The following DCHS2 variants were observed in gnomAD, a reference collection of about 807,000 sequenced individuals.
DCHS2 encodes dachsous cadherin-related 2.
In DCHS2, 142 loss-of-function variants were observed where a neutral mutation model predicts 182.4. The observed-to-expected ratio is 0.78, with a 90% confidence interval of 0.68 to 0.89. The LOEUF (loss-of-function observed/expected upper bound fraction) is 0.89, where lower values mean the gene tolerates loss of function less well. DCHS2 is among the 40% of genes least tolerant of loss of function. The pLI, the probability that DCHS2 is intolerant of heterozygous loss-of-function variation, is 0.00. For missense variants in DCHS2, 4,319 were observed against 4,198.6 expected (o/e 1.03, Z -0.79); for synonymous variants, 1,740 against 1,663.3 (o/e 1.05, Z -1.12).
At chr4:154,423,373 G>C (rs1207000753) in intron 1 of DCHS2, among the ~76,000 whole-genome samples, 5 of 152,136 alleles carry the variant, frequency 3.3e-5, no homozygotes, top group Non-Finnish European at 7.3e-5. Context: ...TTTGTAGTAC[G>C]TGTCAGCACT....
intron 1 of DCHS2, among the ~76,000 whole-genome samples, chr4:154,468,083 G>C (rs1735309852): frequency 6.6e-6 from 1 of 152,098 alleles, no homozygotes; most frequent in Non-Finnish European, 1.5e-5. Flanking sequence ...GGTGTCCACA[G>C]TTTTCTCTGA....
At chr4:154,391,623 C>T (rs566612008) in intron 1 of DCHS2, among the ~76,000 whole-genome samples, 1 of 152,272 alleles carries the variant, frequency 6.6e-6, no homozygotes, top group Non-Finnish European at 1.5e-5. Flanking sequence ...CCAACCTCAT[C>T]TGACATCTCA....
chr4:154,240,019 C>A (rs1242011206), intron 18 of DCHS2, among the ~76,000 whole-genome samples: 1 of 152,120 alleles, frequency 6.6e-6, no homozygotes, highest in African/African-American at 2.4e-5. Flanking sequence ...CTTGCATTTG[C>A]TACATTCAAA....
At chr4:154,448,226 G>T (rs1049911390) in intron 1 of DCHS2, among the ~76,000 whole-genome samples, 1 of 152,056 alleles carries the variant, frequency 6.6e-6, no homozygotes, top group Non-Finnish European at 1.5e-5. Context: ...ACATGTGGGC[G>T]CTCCTCTCTC....
At chr4:154,373,973 A>G (rs1195744420) in intron 2 of DCHS2, 2 of 1,488,120 alleles carry the variant, frequency 1.3e-6, no homozygotes, top group African/African-American at 2.9e-5. Flanking sequence ...CAATGAATTG[A>G]TCCTTTTTGG....
intron 12 of DCHS2, among the ~76,000 whole-genome samples, chr4:154,300,813 A>G (rs1735169826): frequency 6.6e-6 from 1 of 152,198 alleles, no homozygotes; most frequent in Non-Finnish European, 1.5e-5. Context: ...CAGGAAGTGA[A>G]CACATTGCAA....
chr4:154,311,649 A>T (rs1355230774), intron 10 of DCHS2, among the ~76,000 whole-genome samples: 1 of 152,178 alleles, frequency 6.6e-6, no homozygotes, highest in East Asian at 1.9e-4. Context: ...TAATAAATAA[A>T]TTCTAAACAG....
intron 1 of DCHS2, among the ~76,000 whole-genome samples, chr4:154,387,955 C>T (rs1189739385): frequency 6.6e-6 from 1 of 152,000 alleles, no homozygotes; most frequent in Non-Finnish European, 1.5e-5. Context: ...CTTTTGCCTT[C>T]CAAATTGGCA....
In DCHS2 at chr4:154,259,651, A is replaced by G; in HGVS notation, c.6683T>C (p.Val2228Ala). 3 of 1,614,064 alleles carry G rather than the reference A, an allele frequency of 1.9e-6. No individual in the cohort carries two copies. Among genetic ancestry groups the G allele is most frequent in the Non-Finnish European group, 2.5e-6 (3 of 1,180,012 alleles). ...ESSGHRAYCKVAVLIQDENDN... is the reference protein window; with the variant it reads ...ESSGHRAYCKAAVLIQDENDN... ...ATTCTCATCCTGTATCAAGACTGCT[A>G]CTTTGCAATAGGCTCTATGCCCACT... is the stretch of plus-strand genomic sequence containing the variant. The change falls in exon 15 of 20, where the codon GTA becomes GCA. Residue 2228 changes from valine (V) to alanine (A), a missense_variant. By Grantham distance (64) the Val-to-Ala change is moderately conservative. Coordinates refer to ENST00000357232, the MANE Select transcript of DCHS2 (RefSeq NM_001358235.2).
In DCHS2 at chr4:154,398,981, G is replaced by A. The variant is rs569096793; in HGVS notation, c.2053-21537C>T. Reference sequence around the variant, plus strand: ...CCCCATCACCCCCGCCTTCTCACTAGGTCTAAGGGAAAATGGGAACAGTAC... The same window carrying A: ...CCCCATCACCCCCGCCTTCTCACTAAGTCTAAGGGAAAATGGGAACAGTAC... On this transcript the variant is annotated intron_variant, in intron 1 of 19. Coordinates refer to ENST00000357232, the MANE Select transcript of DCHS2 (RefSeq NM_001358235.2). Among the ~76,000 whole-genome samples the A allele has an allele frequency of 5.9e-5, 9 of 152,292 alleles. No homozygotes were observed. The South Asian group carries it at 1.9e-3, about 32-fold the overall frequency.
rs1229382258 is a variant in DCHS2 at position 154,332,820 on chromosome 4, A to G, written c.3388T>C (p.Ser1130Pro). 6.2e-7 allele frequency: 1 copy of G among 1,614,094 alleles called. No homozygotes were observed. Among genetic ancestry groups the G allele is most frequent in the Non-Finnish European group, 8.5e-7 (1 of 1,180,032 alleles). ...LRYSLEPSVD[S>P]AMFGIRPYTG... ...TAAGGGCGGATTCCAAACATAGCAG[A>G]GTCTACGCTGGGTTCCAGCGAGTAC... The change falls in exon 5 of 20, where the codon TCT becomes CCT. Residue 1130 changes from serine to proline, a missense_variant. Coordinates refer to ENST00000357232, the MANE Select transcript of DCHS2 (RefSeq NM_001358235.2).
intron 1 of DCHS2, among the ~76,000 whole-genome samples, chr4:154,459,348 A>G (rs1240765671): frequency 6.6e-6 from 1 of 152,170 alleles, no homozygotes; most frequent in Non-Finnish European, 1.5e-5. Context: ...AGCTCTCATT[A>G]TAGAATTTCT....
chr4:154,442,893 T>A lies in DCHS2; in HGVS notation c.2052+46411A>T, dbSNP rs902652859. 7.2e-5 allele frequency among the ~76,000 whole-genome samples: 11 copies of A among 152,130 alleles called. No individual in the cohort carries two copies. In the East Asian group the frequency reaches 2.1e-3, roughly 30 times the overall value. On this transcript the variant is annotated intron_variant, in intron 1 of 19. Transcript: ENST00000357232. Reference sequence around the variant, plus strand: ...AACCCTGGTGCCAAGGTCCATGCCCTCCTCATGCAAAAAACTCCTGTCTCC... The same window carrying A: ...AACCCTGGTGCCAAGGTCCATGCCCACCTCATGCAAAAAACTCCTGTCTCC...
At chr4:154,312,647 T>C (rs1735710510) in intron 10 of DCHS2, among the ~76,000 whole-genome samples, 1 of 152,216 alleles carries the variant, frequency 6.6e-6, no homozygotes, top group Admixed American at 6.5e-5. Context: ...TGCCTGAGTA[T>C]ATGATACAGA....
intron 13 of DCHS2, among the ~76,000 whole-genome samples, chr4:154,294,774 A>T (rs1372730918): frequency 6.6e-6 from 1 of 152,210 alleles, no homozygotes; most frequent in African/African-American, 2.4e-5. Flanking sequence ...TCAAAAGGAA[A>T]TTGGTGAGTA....
In DCHS2 at chr4:154,321,048, G is replaced by A; in HGVS notation, c.4351C>T (p.His1451Tyr). ...CCGGTTGAGCTGTCTATTTCAAAGT[G>A]TCCATCCTTATCATCTGCAACAATA... Reference protein sequence around the residue: ...FSIVADDKDGHFEIDSSTGDL... With the variant: ...FSIVADDKDGYFEIDSSTGDL... Residue 1451 changes from histidine (H) to tyrosine (Y), a missense_variant, in exon 9 of 20, where the codon CAC becomes TAC. Physicochemically the swap from His to Tyr is moderately conservative, Grantham distance 83. Coordinates refer to ENST00000357232, the MANE Select transcript of DCHS2 (RefSeq NM_001358235.2). 1 of 1,612,786 alleles carries A rather than the reference G, an allele frequency of 6.2e-7. No individual in the cohort carries two copies.
rs1286422767 is a variant in DCHS2, at chr4:154,236,035, T to C, written c.8617A>G (p.Ile2873Val). 6.2e-7 allele frequency: 1 copy of C among 1,613,940 alleles called. No homozygotes were observed. The highest frequency in any genetic ancestry group is 1.7e-5 in the Admixed American group (1 of 60,000). Residue 2873 changes from isoleucine to valine, a missense_variant, in exon 20 of 20, where the codon ATA becomes GTA. Physicochemically the swap from Ile to Val is conservative, Grantham distance 29 (BLOSUM62 3). Coordinates refer to ENST00000357232, the MANE Select transcript of DCHS2 (RefSeq NM_001358235.2). ...SLVVWVDIEG[I>V]DEFEPIFTQD... ...GTGAAAATGGGCTCAAATTCATCTATCCCTTCAATATCCACCCAGACCACT... is the reference window on the plus strand; with the variant it reads ...GTGAAAATGGGCTCAAATTCATCTACCCCTTCAATATCCACCCAGACCACT...
chr4:154,326,186 G>A (rs966491934), intron 7 of DCHS2, among the ~76,000 whole-genome samples: 5 of 152,174 alleles, frequency 3.3e-5, no homozygotes, highest in South Asian at 2.1e-4. Context: ...CTTCGAAGTC[G>A]TCACAACAAG....
rs76895665 is a variant in DCHS2 at position 154,338,679 on chromosome 4, T to C, written c.2477-3575A>G. 4.6e-3 allele frequency among the ~76,000 whole-genome samples: 700 copies of C among 152,314 alleles called. 8 individuals are homozygous for C. Among genetic ancestry groups the C allele is most frequent in the African/African-American group, 0.016 (666 of 41,568 alleles). ...TTTGGAACACTGAAAATGACCTTAA[T>C]ATCCATCAGGAAAAGAATGGACAGT... On this transcript the variant is annotated intron_variant, in intron 3 of 19. Transcript: ENST00000357232.
Sources: gnomAD v4.1 joint callset for allele counts (sites outside exome capture counted in the v4.1 genomes callset) on GRCh38, gnomAD v4.1.1 for gene constraint, MANE v1.5 for transcripts, NCBI Gene and HGNC (gene_info 2026-07-23, HGNC 2026-07-21) for gene names.